Variants in MAP3K3 observed in about 807,000 individuals in gnomAD.
MAP3K3 encodes the protein MAP/ERK kinase kinase 3.
In MAP3K3, 12 loss-of-function variants were observed where a neutral mutation model predicts 80.9. The observed-to-expected ratio is 0.15, with a 90% CI of 0.10 to 0.24. MAP3K3 has a LOEUF of 0.24. Among genes scored for constraint, MAP3K3 ranks in the 10% least tolerant of loss-of-function variants. The pLI, the probability that MAP3K3 is intolerant of heterozygous loss-of-function variation, is 1.00. For synonymous variants in MAP3K3, 272 were observed against 307.1 expected (o/e 0.89, Z 1.19); for missense variants, 596 against 834.7 (o/e 0.71, Z 3.52).
intron 6 of MAP3K3, chr17:63,672,948 G>C (rs1224891783): frequency 6.6e-6 from 1 of 152,226 alleles, no homozygotes; most frequent in Non-Finnish European, 1.5e-5. Context: ...AGTCCTAGCA[G>C]TAGAAATGGG....
In MAP3K3 at chr17:63,694,744, C is replaced by T. The variant is rs2035658663; in HGVS notation, c.*967C>T. The T allele has an allele frequency of 6.6e-6, 1 of 152,538 alleles. No individual in the cohort carries two copies. Among genetic ancestry groups the T allele is most frequent in the African/African-American group, 2.4e-5 (1 of 41,464 alleles). The allele number at this position is 152,538 out of a possible 1,614,324, so 9.4% of individuals were successfully genotyped here. ...TCCCAGAGAGCCCGAGGAGGTGTCT[C>T]AGGCTGCCTGAGTCGTGACCTGCTA... is the stretch of plus-strand genomic sequence containing the variant. On this transcript the variant is annotated 3_prime_UTR_variant, in exon 16 of 16. Transcript: ENST00000361733.
At chr17:63,652,204 C>T (rs924520662) in intron 3 of MAP3K3, among the ~76,000 whole-genome samples, 3 of 152,052 alleles carry the variant, frequency 2.0e-5, no homozygotes, top group Admixed American at 2.0e-4. Context: ...CCAACAGCCC[C>T]AGTGTGTATT....
At chr17:63,642,236 A>G (rs2034457350) in intron 2 of MAP3K3, among the ~76,000 whole-genome samples, 1 of 152,228 alleles carries the variant, frequency 6.6e-6, no homozygotes, top group South Asian at 2.1e-4. Flanking sequence ...TTTGGAACAA[A>G]AGTTTAATTC....
In MAP3K3 at chr17:63,690,995, C is replaced by G. The variant is rs766786491; in HGVS notation, c.1213-107C>G. 9 of 1,384,558 alleles carry G rather than the reference C, an allele frequency of 6.5e-6. No individual in the cohort carries two copies. The African/African-American group carries it at 7.1e-5, about 11-fold the overall frequency. 85.8% of individuals were successfully genotyped at this position (1,384,558 alleles called of 1,614,324 possible). The stretch of plus-strand genomic sequence containing the variant: ...GTCCCCCTTTTCTCCAACTGCAGTT[C>G]CCAAGGCAGATCCCTGTGAGGCCAC... On this transcript the variant is annotated intron_variant, in intron 12 of 15. Transcript: ENST00000361733.
chr17:63,634,912 A>G, intron 2 of MAP3K3: 1 of 944,476 alleles, frequency 1.1e-6, no homozygotes, highest in East Asian at 2.4e-5. Context: ...ATTTGTAAAA[A>G]GCATTGGTTA....
rs567634187 is a variant in MAP3K3, at chr17:63,671,936, C to T, written c.502+4876C>T. 2.6e-5 allele frequency among the ~76,000 whole-genome samples: 4 copies of T among 151,470 alleles called. No individual in the cohort carries two copies. In the East Asian group the frequency reaches 5.8e-4, roughly 22 times the overall value. On this transcript the variant is annotated intron_variant, in intron 6 of 15. Coordinates refer to ENST00000361733, the MANE Select transcript of MAP3K3 (RefSeq NM_002401.5). ...CTAAGGTGGGAGGATGGCTTGATTC[C>T]AGGAGTTTGAGCTTAGCCTAGACAA...
Position 63,689,840 on chromosome 17 carries a change from G to C in MAP3K3, c.1063+105G>C. The C allele has an allele frequency of 8.7e-7, 1 of 1,148,886 alleles. No homozygotes were observed. The highest frequency in any genetic ancestry group is 1.6e-5 in the African/African-American group (1 of 64,322). The allele number at this position is 1,148,886 out of a possible 1,614,324, so 71.2% of individuals were successfully genotyped here. ...GGACCCTTAGGCTCAGCAGGTGGTG[G>C]CTTTGGCCCAAATGCACCACATGGG... On this transcript the variant is annotated intron_variant, in intron 11 of 15. Transcript: ENST00000361733. The surrounding 1 kb of genome is among the most constrained non-coding windows in gnomAD (Gnocchi z 4.3).
Position 63,692,524 on chromosome 17 carries a change from CCAGGGCCCAGGCTG to C in MAP3K3, c.1652+109_1652+122del. 2.5e-6 allele frequency: 3 copies of C among 1,205,454 alleles called. No homozygotes were observed. In the South Asian group the frequency reaches 4.8e-5, roughly 19 times the overall value. 74.7% of individuals were successfully genotyped at this position (1,205,454 alleles called of 1,614,324 possible). Reference sequence around the variant, plus strand: ...TGTGGTGTGGCAGGAGGGAGTGTGCCCAGGGCCCAGGCTGCAGTGTGTGCAAGGGTATTATTGGG... The same window carrying C: ...TGTGGTGTGGCAGGAGGGAGTGTGCCCAGTGTGTGCAAGGGTATTATTGGG... On this transcript the variant is annotated intron_variant, in intron 15 of 15. Coordinates refer to ENST00000361733, the MANE Select transcript of MAP3K3 (RefSeq NM_002401.5). This position sits in a 1 kb window ranked among gnomAD's most constrained non-coding sequence, Gnocchi z 4.5.
chr17:63,627,922 T>A (rs1408809512), intron 1 of MAP3K3, among the ~76,000 whole-genome samples: 1 of 151,230 alleles, frequency 6.6e-6, no homozygotes, highest in Non-Finnish European at 1.5e-5. Flanking sequence ...TTTTTTTTTC[T>A]GAGACAGAGT....
chr17:63,690,393 A>G lies in MAP3K3; in HGVS notation c.1193A>G (p.Asp398Gly). The G allele has an allele frequency of 1.2e-6, 2 of 1,614,100 alleles. No individual in the cohort carries two copies. Among genetic ancestry groups the G allele is most frequent in the Non-Finnish European group, 1.7e-6 (2 of 1,179,974 alleles). Residue 398 changes from aspartate to glycine, a missense_variant, in exon 12 of 16, where the codon GAC becomes GGC. By Grantham distance (94) the Asp-to-Gly change is moderately conservative (BLOSUM62 -1). Coordinates refer to ENST00000361733, the MANE Select transcript of MAP3K3 (RefSeq NM_002401.5). Reference sequence around the variant, plus strand: ...TCCAAGCAGGTCCAATTTGATCCAGACAGTCCTGAGACAAGCAAGGTACAC... The same window carrying G: ...TCCAAGCAGGTCCAATTTGATCCAGGCAGTCCTGAGACAAGCAAGGTACAC... ...LASKQVQFDP[D>G]SPETSKEVSA...
At chr17:63,652,461 GT>G (rs1345950168) in intron 3 of MAP3K3, 95 bp from the exon 4 acceptor site, 1 of 802,016 alleles carries the variant, frequency 1.2e-6, no homozygotes, top group Non-Finnish European at 2.1e-6. Flanking sequence ...AGAATCCTAT[GT>G]TGAGAAGAAA....
intron 4 of MAP3K3, among the ~76,000 whole-genome samples, chr17:63,653,873 CT>C (rs1228662986): frequency 6.6e-6 from 1 of 151,340 alleles, no homozygotes; most frequent in Non-Finnish European, 1.5e-5. Flanking sequence ...AGAACATTTT[CT>C]TTTTTTTTCT....
At position 63,692,599 on chromosome 17, in the gene MAP3K3, A is replaced by G. The variant is rs1486480928; in HGVS notation, c.1652+180A>G. 6.6e-6 allele frequency among the ~76,000 whole-genome samples: 1 copy of G among 152,200 alleles called. No individual in the cohort carries two copies. The highest frequency in any genetic ancestry group is 1.9e-4 in the East Asian group (1 of 5,198). On this transcript the variant is annotated intron_variant, in intron 15 of 15. Transcript: ENST00000361733. The surrounding 1 kb of genome is among the most constrained non-coding windows in gnomAD (Gnocchi z 4.5). ...CACACACCACATGGGTGGTGCTCAA[A>G]GCACACTCCATTAGAGCTGGGAACT...
At chr17:63,647,075 G>A (rs2034554760) in intron 3 of MAP3K3, among the ~76,000 whole-genome samples, 1 of 152,206 alleles carries the variant, frequency 6.6e-6, no homozygotes, top group African/African-American at 2.4e-5. Context: ...GTTCTCTACA[G>A]TTGGTACCTT....
At chr17:63,632,868 C>T (rs899544898) in intron 2 of MAP3K3, 66 bp downstream of exon 2, 9 of 1,598,710 alleles carry the variant, frequency 5.6e-6, no homozygotes, top group Middle Eastern at 3.4e-4. Flanking sequence ...GGGAAATATA[C>T]GAAAAGCCAA....
chr17:63,688,472 G>A (rs1809318264), intron 8 of MAP3K3, 55 bp from the exon 9 acceptor site: 6 of 1,411,358 alleles, frequency 4.3e-6, no homozygotes, highest in Non-Finnish European at 6.0e-6. Context: ...TGGACGCCCT[G>A]CTTGGTTGCT....
chr17:63,677,894 G>A lies in MAP3K3; in HGVS notation c.503-3872G>A, dbSNP rs367943980. Among the ~76,000 whole-genome samples, 12 of 152,290 alleles carry A rather than the reference G, an allele frequency of 7.9e-5. No individual in the cohort carries two copies. The South Asian group carries it at 1.0e-3, about 13-fold the overall frequency. On this transcript the variant is annotated intron_variant, in intron 6 of 15. Transcript: ENST00000361733. Reference sequence around the variant, plus strand: ...CCCTGTGCTGCCAGGAAGTCCCCACGTTAGCCTCCCTCCCACACCTGGCAG... The same window carrying A: ...CCCTGTGCTGCCAGGAAGTCCCCACATTAGCCTCCCTCCCACACCTGGCAG...
chr17:63,623,293 G>A (rs959732898), intron 1 of MAP3K3, among the ~76,000 whole-genome samples: 4 of 152,244 alleles, frequency 2.6e-5, no homozygotes, highest in African/African-American at 4.8e-5. Context: ...AGGGGGGAGG[G>A]CGTGCGGGGC....
rs1281681903 is a variant in MAP3K3 at position 63,691,148 on chromosome 17, A to G, written c.1259A>G (p.Gln420Arg). 2 of 1,614,202 alleles carry G rather than the reference A, an allele frequency of 1.2e-6. No individual in the cohort carries two copies. The highest frequency in any genetic ancestry group is 3.3e-5 in the Admixed American group (2 of 60,030). ...ECEIQLLKNL[Q>R]HERIVQYYGC... ...GAGATCCAGTTGCTAAAGAACTTGCAGCATGAGCGCATCGTGCAGTACTAT... is the reference window on the plus strand; with the variant it reads ...GAGATCCAGTTGCTAAAGAACTTGCGGCATGAGCGCATCGTGCAGTACTAT... Residue 420 changes from glutamine to arginine, a missense_variant, in exon 13 of 16, where the codon CAG becomes CGG. By Grantham distance (43) the Gln-to-Arg change is conservative. Transcript: ENST00000361733. This position sits in a 1 kb window ranked among gnomAD's most constrained non-coding sequence, Gnocchi z 4.8.
Sources: allele counts gnomAD v4.1 joint callset (sites outside exome capture counted in the v4.1 genomes callset), GRCh38; gene constraint gnomAD v4.1.1; non-coding constraint Gnocchi (gnomAD v3.1); transcripts MANE v1.5; gene names NCBI Gene and HGNC (gene_info 2026-07-23, HGNC 2026-07-21).